STK3: variants seen among roughly 807,000 people sequenced by gnomAD.
STK3 encodes serine/threonine kinase 3, also known as serine/threonine-protein kinase 3.
Under a neutral mutation model 58.0 loss-of-function variants are expected in STK3, and 41 were observed. That is an observed-to-expected ratio of 0.71 (90% confidence interval 0.55 to 0.92). The LOEUF (loss-of-function observed/expected upper bound fraction) is 0.92. STK3 is among the 40% of genes least tolerant of loss of function. The probability of loss-of-function intolerance (pLI) is 0.00; values close to 1 mark genes in which losing one functional copy is unlikely to be tolerated. For missense variants in STK3, 479 were observed against 602.7 expected (o/e 0.79, Z 2.15); for synonymous variants, 170 against 191.0 (o/e 0.89, Z 0.91).
Position 98,914,490 on chromosome 8 carries a change from ACACTCT to A in STK3, c.-79+27882_-79+27887del, listed in dbSNP as rs1408428545. Among the ~76,000 whole-genome samples the A allele has an allele frequency of 4.7e-3, 573 of 123,090 alleles. 4 individuals carry two copies. Among genetic ancestry groups the A allele is most frequent in the South Asian group, 0.017 (57 of 3,416 alleles). 80.8% of individuals were successfully genotyped at this position (123,090 alleles called of 152,430 possible). A position where few individuals can be genotyped will look rare whatever the true frequency, so the allele number is the denominator to read the frequency against. ...CACACACACACACACACACACACAC[ACACTCT>A]CTCTCTCTCTCTCTTCACTCTTAAA... is the stretch of plus-strand genomic sequence containing the variant. On this transcript the variant is annotated intron_variant, in intron 1 of 1. Coordinates refer to the STK3 transcript ENST00000519420.
At chr8:98,739,704 G>GA in intron 4 of STK3, among the ~76,000 whole-genome samples, 1 of 148,854 alleles carries the variant, frequency 6.7e-6, no homozygotes, top group Non-Finnish European at 1.5e-5. Context: ...TCCTCCAAAG[G>GA]AACGCAGCTC....
chr8:98,461,821 T>C (rs1820003087), intron 10 of STK3, among the ~76,000 whole-genome samples: 1 of 152,234 alleles, frequency 6.6e-6, no homozygotes, highest in African/African-American at 2.4e-5. Flanking sequence ...CAGTCCCTTC[T>C]GGCTTGTAAG....
chr8:98,488,460 C>T (rs948584488), intron 10 of STK3, among the ~76,000 whole-genome samples: 1 of 152,052 alleles, frequency 6.6e-6, no homozygotes, highest in Admixed American at 6.5e-5. Context: ...TTCCTAGTTA[C>T]TAGGGTAGGG....
At chr8:98,501,905 T>C (rs894638732) in intron 10 of STK3, among the ~76,000 whole-genome samples, 9 of 152,218 alleles carry the variant, frequency 5.9e-5, no homozygotes, top group African/African-American at 1.9e-4. Context: ...TTTGGTTCCA[T>C]ATGAACCTTA....
intron 2 of STK3, among the ~76,000 whole-genome samples, chr8:98,378,748 G>A (rs1312832114): frequency 6.6e-6 from 1 of 152,008 alleles, no homozygotes; most frequent in Non-Finnish European, 1.5e-5. Flanking sequence ...CATATTGGAA[G>A]GGCCCAGGAT....
At chr8:98,747,966 T>C (rs1829749851) in intron 4 of STK3, among the ~76,000 whole-genome samples, 1 of 152,216 alleles carries the variant, frequency 6.6e-6, no homozygotes, top group Non-Finnish European at 1.5e-5. Flanking sequence ...AAGATAATGA[T>C]CTGATCCATA....
intron 3 of STK3, among the ~76,000 whole-genome samples, chr8:98,412,666 G>T (rs1241432515): frequency 6.6e-6 from 1 of 152,168 alleles, no homozygotes; most frequent in African/African-American, 2.4e-5. Flanking sequence ...TATCAGGATT[G>T]GATGTGCTAA....
intron 4 of STK3, among the ~76,000 whole-genome samples, chr8:98,743,358 A>G (rs1364197429): frequency 6.6e-6 from 1 of 152,150 alleles, no homozygotes; most frequent in Admixed American, 6.5e-5. Flanking sequence ...CAGTAACCAA[A>G]ACAGCATGGT....
chr8:98,610,876 A>G (rs1257555079), intron 6 of STK3, among the ~76,000 whole-genome samples: 1 of 152,256 alleles, frequency 6.6e-6, no homozygotes, highest in Non-Finnish European at 1.5e-5. Context: ...TTAAAATATT[A>G]TGTCACTTTA....
At chr8:98,923,589 C>A (rs1250524588) in intron 1 of STK3, among the ~76,000 whole-genome samples, 2 of 152,204 alleles carry the variant, frequency 1.3e-5, no homozygotes, top group Non-Finnish European at 2.9e-5. Context: ...ACCCCACGGG[C>A]ATGTCCTTAA....
intron 4 of STK3, among the ~76,000 whole-genome samples, chr8:98,722,463 T>C (rs1227591579): frequency 1.3e-5 from 2 of 152,188 alleles, no homozygotes; most frequent in African/African-American, 4.8e-5. Flanking sequence ...AATAAGAACG[T>C]ATACTTAGTG....
chr8:98,901,702 C>T (rs541114133), intron 1 of STK3, among the ~76,000 whole-genome samples: 2 of 152,212 alleles, frequency 1.3e-5, no homozygotes, highest in Admixed American at 6.5e-5. Flanking sequence ...TTGGGATGAC[C>T]GAAGCCTCTG....
chr8:98,454,588 C>A (rs1819357837), downstream of STK3: 1 of 152,416 alleles, frequency 6.6e-6, no homozygotes, highest in African/African-American at 2.4e-5. Flanking sequence ...TTGGAAAATG[C>A]AGAGTCCAGG....
intron 10 of STK3, among the ~76,000 whole-genome samples, chr8:98,488,053 A>G (rs1319653827): frequency 1.3e-5 from 2 of 152,200 alleles, no homozygotes; most frequent in Non-Finnish European, 2.9e-5. Flanking sequence ...GCTGGCACTG[A>G]ATCATAAGAG....
At chr8:98,832,255 A>AAAATATATATATATATAGATATCT in intron 3 of STK3, among the ~76,000 whole-genome samples, 1 of 138,890 alleles carries the variant, frequency 7.2e-6, no homozygotes, top group East Asian at 2.1e-4. Flanking sequence ...AAAAAAAAAA[A>AAAATATATATATATATAGATATCT]ATATATATAT....
At position 98,605,758 on chromosome 8, in the gene STK3, A is replaced by G. The variant is rs186234980; in HGVS notation, c.685-9589T>C. ...ATCTCCTGTCAAATTGTAATCCCCA[A>G]TGTTAGCGGTGGGGCCTGATGGGAG... On this transcript the variant is annotated intron_variant, in intron 6 of 10. Coordinates refer to ENST00000419617, the MANE Select transcript of STK3 (RefSeq NM_006281.4). Among the ~76,000 whole-genome samples the G allele has an allele frequency of 1.0e-3, 156 of 152,142 alleles. 1 individual carries two copies. The highest frequency in any genetic ancestry group is 3.2e-3 in the African/African-American group (133 of 41,510).
chr8:98,759,423 C>T (rs1830487296), intron 3 of STK3, among the ~76,000 whole-genome samples: 1 of 152,166 alleles, frequency 6.6e-6, no homozygotes, highest in Admixed American at 6.5e-5. Flanking sequence ...CACCATCTTA[C>T]AAAGGTGCAG....
At chr8:98,406,459 CT>C (rs1300864818) in intron 3 of STK3, among the ~76,000 whole-genome samples, 1 of 152,042 alleles carries the variant, frequency 6.6e-6, no homozygotes, top group Non-Finnish European at 1.5e-5. Flanking sequence ...AACCTCCCCC[CT>C]CTAGGGTTCC....
chr8:98,920,289 A>G (rs1034685415), intron 1 of STK3, among the ~76,000 whole-genome samples: 1 of 152,228 alleles, frequency 6.6e-6, no homozygotes, highest in African/African-American at 2.4e-5. Flanking sequence ...GTTAGTGAAT[A>G]GTCTTCATGT....
Sources: allele counts gnomAD v4.1 joint callset (sites outside exome capture counted in the v4.1 genomes callset), GRCh38; gene constraint gnomAD v4.1.1; transcripts MANE v1.5; gene names NCBI Gene and HGNC (gene_info 2026-07-23, HGNC 2026-07-21).